FGGY: variants seen among roughly 807,000 people sequenced by gnomAD.
FGGY encodes FGGY carbohydrate kinase domain containing, also known as FGGY carbohydrate kinase domain-containing protein.
FGGY carries 72 observed loss-of-function variants against 71.3 expected under a neutral mutation model. The ratio of observed to expected loss-of-function variants is 1.01; its 90% CI spans 0.84 to 1.23. The LOEUF is 1.23. Among genes scored for constraint, FGGY ranks in the 50% most tolerant of loss-of-function variants. The pLI is 0.00. For synonymous variants in FGGY, 251 were observed against 250.3 expected, an observed-to-expected ratio of 1.00 and a Z score of -0.02; for missense variants, 668 against 682.3, an observed-to-expected ratio of 0.98 and a Z score of 0.23.
chr1:59,750,322 C>T (rs1244619805), intron 14 of FGGY, among the ~76,000 whole-genome samples: 1 of 151,996 alleles, frequency 6.6e-6, no homozygotes, highest in Non-Finnish European at 1.5e-5. Context: ...TCTTGGTAGG[C>T]ATTTTTATAA....
intron 8 of FGGY, among the ~76,000 whole-genome samples, chr1:59,583,212 C>T (rs2096226301): frequency 7.0e-6 from 1 of 143,272 alleles, no homozygotes; most frequent in Non-Finnish European, 1.5e-5. Context: ...TTCATCTTAC[C>T]TGAATCAAAG....
chr1:59,587,588 C>G (rs1383274322), intron 8 of FGGY, among the ~76,000 whole-genome samples: 1 of 152,148 alleles, frequency 6.6e-6, no homozygotes, highest in Admixed American at 6.5e-5. Context: ...GGGTACTCCT[C>G]TGAGACAAAA....
intron 14 of FGGY, among the ~76,000 whole-genome samples, chr1:59,722,570 C>T (rs549539811): frequency 2.0e-5 from 3 of 152,184 alleles, no homozygotes; most frequent in Non-Finnish European, 4.4e-5. Context: ...TAATCCAGTA[C>T]TACTTTGTTT....
chr1:59,602,330 A>C (rs2096585980), intron 8 of FGGY, among the ~76,000 whole-genome samples: 1 of 152,208 alleles, frequency 6.6e-6, no homozygotes, highest in Non-Finnish European at 1.5e-5. Context: ...ATGAGTGTTA[A>C]ATGTGATAAT....
intron 7 of FGGY, among the ~76,000 whole-genome samples, chr1:59,533,358 G>T (rs182746239): frequency 1.3e-5 from 2 of 152,318 alleles, no homozygotes; most frequent in East Asian, 1.9e-4. Context: ...CTACGCCCAC[G>T]GAGTCTCACT....
At chr1:59,574,726 TC>T (rs2096050227) in intron 8 of FGGY, among the ~76,000 whole-genome samples, 1 of 152,196 alleles carries the variant, frequency 6.6e-6, no homozygotes, top group Admixed American at 6.5e-5. Context: ...CATTGAATTT[TC>T]TATTATATTT....
intron 5 of FGGY, among the ~76,000 whole-genome samples, chr1:59,446,682 C>T (rs1416147586): frequency 1.3e-5 from 2 of 152,162 alleles, no homozygotes; most frequent in Non-Finnish European, 2.9e-5. Flanking sequence ...CCATCAGAGG[C>T]CTGTGATGTA....
intron 4 of FGGY, among the ~76,000 whole-genome samples, chr1:59,371,233 C>CA (rs899224960): frequency 1.3e-5 from 2 of 151,318 alleles, no homozygotes; most frequent in African/African-American, 4.9e-5. Flanking sequence ...AAATGGAAAA[C>CA]AAAAAAAGGC....
At chr1:59,577,657 G>A (rs1315603898) in intron 8 of FGGY, among the ~76,000 whole-genome samples, 1 of 152,102 alleles carries the variant, frequency 6.6e-6, no homozygotes, top group Non-Finnish European at 1.5e-5. Context: ...GAGCAGTTAA[G>A]TAGGAATATG....
intron 14 of FGGY, among the ~76,000 whole-genome samples, chr1:59,719,521 T>G (rs138066401): frequency 1.0e-3 from 159 of 152,350 alleles, no homozygotes; most frequent in African/African-American, 3.7e-3. Context: ...AAGCAGTAGA[T>G]GCTCAATAAA....
chr1:59,372,904 A>G (rs2057946716), intron 4 of FGGY, among the ~76,000 whole-genome samples: 1 of 152,144 alleles, frequency 6.6e-6, no homozygotes, highest in African/African-American at 2.4e-5. Flanking sequence ...TTGATGGGAC[A>G]TATCTCAAAA....
intron 14 of FGGY, among the ~76,000 whole-genome samples, chr1:59,756,300 A>C (rs2098290612): frequency 6.6e-6 from 1 of 152,188 alleles, no homozygotes; most frequent in Non-Finnish European, 1.5e-5. Flanking sequence ...CTGATCTCCC[A>C]ATCAGCACAT....
chr1:59,756,017 T>C (rs2098287650), intron 14 of FGGY: 1 of 152,248 alleles, frequency 6.6e-6, no homozygotes, highest in African/African-American at 2.4e-5. Flanking sequence ...TACCCCGGCT[T>C]GCTCTAAGGG....
At chr1:59,339,052 G>T (rs2050147055) in intron 2 of FGGY, among the ~76,000 whole-genome samples, 1 of 152,116 alleles carries the variant, frequency 6.6e-6, no homozygotes, top group Non-Finnish European at 1.5e-5. Flanking sequence ...TTTGTTTTCT[G>T]ATGATTCAGT....
At chr1:59,513,927 C>T (rs1179457510) in intron 7 of FGGY, among the ~76,000 whole-genome samples, 1 of 152,238 alleles carries the variant, frequency 6.6e-6, no homozygotes, top group Non-Finnish European at 1.5e-5. Flanking sequence ...GTTCATCTCT[C>T]TGTCCTCAGG....
At chr1:59,494,747 A>G (rs2093980094) in intron 6 of FGGY, among the ~76,000 whole-genome samples, 1 of 152,220 alleles carries the variant, frequency 6.6e-6, no homozygotes, top group African/African-American at 2.4e-5. Context: ...AGAGTGCCAG[A>G]AAAATATAGC....
intron 5 of FGGY, among the ~76,000 whole-genome samples, chr1:59,408,902 T>C (rs890758077): frequency 1.3e-5 from 2 of 152,210 alleles, no homozygotes; most frequent in African/African-American, 4.8e-5. Flanking sequence ...CAGAGCTTTC[T>C]TGGGTTCGCG....
intron 14 of FGGY, among the ~76,000 whole-genome samples, chr1:59,694,182 G>T (rs546390571): frequency 6.6e-5 from 10 of 151,468 alleles, no homozygotes; most frequent in Non-Finnish European, 1.3e-4. Flanking sequence ...CCAGCTACTC[G>T]GGAGGCTGAG....
At chr1:59,635,460 G>A (rs1023488843) in intron 10 of FGGY, among the ~76,000 whole-genome samples, 1 of 151,196 alleles carries the variant, frequency 6.6e-6, no homozygotes, top group African/African-American at 2.4e-5. Context: ...AGGCCTATAC[G>A]TTCTTATTGA....
Sources: gnomAD v4.1 joint callset for allele counts (sites outside exome capture counted in the v4.1 genomes callset) on GRCh38, gnomAD v4.1.1 for gene constraint, MANE v1.5 for transcripts, NCBI Gene and HGNC (gene_info 2026-07-23, HGNC 2026-07-21) for gene names.